Variants in GRB10 observed in about 807,000 individuals in gnomAD.
The protein encoded by GRB10 is growth factor receptor bound protein 10, also known as growth factor receptor-bound protein 10.
A neutral mutation model predicts 80.9 loss-of-function variants in GRB10; 20 were observed. The ratio of observed to expected loss-of-function variants is 0.25; its 90% CI spans 0.17 to 0.36. GRB10 has a LOEUF of 0.36. GRB10 is among the 10% of genes least tolerant of loss of function. The pLI is 1.00. For missense variants in GRB10, 548 were observed against 747.7 expected (o/e 0.73, Z 3.12); for synonymous variants, 291 against 291.5 (o/e 1.00, Z 0.02).
At position 50,616,404 on chromosome 7, in the gene GRB10, G is replaced by A. The variant is rs563800109; in HGVS notation, c.847-57C>T. On this transcript the variant is annotated intron_variant, in intron 10 of 18. Transcript: ENST00000401949. ...ATGCTAATCTAAAATAATTAAAGCA[G>A]ACATGTTATCAGCATAGCTGACATT... 5.7e-5 allele frequency: 86 copies of A among 1,508,544 alleles called. 2 individuals are homozygous for A. The South Asian group carries it at 8.2e-4, about 14-fold the overall frequency. The allele number at this position is 1,508,544 out of a possible 1,614,324, so 93.4% of individuals were successfully genotyped here.
At chr7:50,664,041 C>T (rs1444867438) in intron 7 of GRB10, among the ~76,000 whole-genome samples, 1 of 152,230 alleles carries the variant, frequency 6.6e-6, no homozygotes, top group African/African-American at 2.4e-5. Flanking sequence ...TGGTCCCATG[C>T]TCCTGCTGGC....
At chr7:50,682,635 T>A (rs1483684318) in intron 5 of GRB10, among the ~76,000 whole-genome samples, 1 of 152,266 alleles carries the variant, frequency 6.6e-6, no homozygotes, top group African/African-American at 2.4e-5. Flanking sequence ...CTGTACTTTT[T>A]GGCTTGTCAC....
chr7:50,598,335 G>A (rs1370351663), intron 17 of GRB10, among the ~76,000 whole-genome samples: 2 of 152,208 alleles, frequency 1.3e-5, no homozygotes, highest in Admixed American at 6.5e-5. Flanking sequence ...AAGATGCCCA[G>A]GGAGAAGCTA....
At chr7:50,668,510 T>C (rs909818602) in intron 7 of GRB10, among the ~76,000 whole-genome samples, 1 of 152,212 alleles carries the variant, frequency 6.6e-6, no homozygotes, top group Non-Finnish European at 1.5e-5. Flanking sequence ...TCAGCTCAGC[T>C]GCTTACAGGG....
At chr7:50,689,283 T>C (rs754685529) in intron 5 of GRB10, among the ~76,000 whole-genome samples, 2 of 152,192 alleles carry the variant, frequency 1.3e-5, no homozygotes, top group Non-Finnish European at 2.9e-5. Flanking sequence ...AGCCATTTGG[T>C]ATGCAAGTAG....
chr7:50,792,409 GA>G (rs1320192847), intron 1 of GRB10: 2 of 398,248 alleles, frequency 5.0e-6, no homozygotes, highest in African/African-American at 2.1e-5. Context: ...CCAATCCCAA[GA>G]AAAGACGCAC....
chr7:50,613,066 A>C (rs2049874608), intron 12 of GRB10, among the ~76,000 whole-genome samples: 1 of 152,226 alleles, frequency 6.6e-6, no homozygotes, highest in Non-Finnish European at 1.5e-5. Flanking sequence ...GTTGTGTACC[A>C]CTTAGCTGAA....
intron 7 of GRB10, among the ~76,000 whole-genome samples, chr7:50,669,277 G>A (rs1440118632): frequency 6.6e-6 from 1 of 152,214 alleles, no homozygotes; most frequent in Non-Finnish European, 1.5e-5. Context: ...GAATCATGGT[G>A]CGGGCATGTG....
At chr7:50,752,613 C>A (rs1459299980) in intron 3 of GRB10, among the ~76,000 whole-genome samples, 1 of 152,162 alleles carries the variant, frequency 6.6e-6, no homozygotes, top group Non-Finnish European at 1.5e-5. Context: ...ATGAGCCCTC[C>A]CCTGACTGCA....
chr7:50,695,632 C>A (rs918673801), intron 5 of GRB10, among the ~76,000 whole-genome samples: 8 of 152,126 alleles, frequency 5.3e-5, no homozygotes, highest in African/African-American at 1.9e-4. Context: ...CTTTTGCTGG[C>A]CTCTCTCTTC....
chr7:50,752,738 C>T (rs1375925598), intron 3 of GRB10, among the ~76,000 whole-genome samples: 1 of 152,180 alleles, frequency 6.6e-6, no homozygotes, highest in African/African-American at 2.4e-5. Flanking sequence ...GAGAACAGAG[C>T]TCTTTCCTTG....
intron 4 of GRB10, among the ~76,000 whole-genome samples, chr7:50,732,034 T>C (rs146463336): frequency 4.9e-4 from 75 of 152,270 alleles, no homozygotes; most frequent in South Asian, 2.7e-3. Context: ...TTTAGAAAAG[T>C]ACGCACAGTC....
chr7:50,784,072 G>A (rs909589100), upstream of GRB10, among the ~76,000 whole-genome samples: 1 of 152,212 alleles, frequency 6.6e-6, no homozygotes, highest in Non-Finnish European at 1.5e-5. Flanking sequence ...GGTAACACAA[G>A]GCTTTCTTTT....
rs568029094 is a variant in GRB10, at chr7:50,616,030, C to A, written c.984+180G>T. Among the ~76,000 whole-genome samples, 4 of 152,246 alleles carry A rather than the reference C, an allele frequency of 2.6e-5. No homozygotes were observed. The East Asian group carries it at 7.7e-4, about 29-fold the overall frequency. On this transcript the variant is annotated intron_variant, in intron 11 of 18. Transcript: ENST00000401949. ...TATTATTTATTACCTAGTTTCTGAG[C>A]GAGACCAGGAAACCTGTGACTCCAA...
intron 7 of GRB10, among the ~76,000 whole-genome samples, chr7:50,662,920 C>G (rs529901099): frequency 6.6e-6 from 1 of 152,346 alleles, no homozygotes; most frequent in East Asian, 1.9e-4. Flanking sequence ...CTTACAGACA[C>G]CTGAGCTAGA....
At chr7:50,734,085 T>C (rs1187833099) in intron 3 of GRB10, among the ~76,000 whole-genome samples, 1 of 152,058 alleles carries the variant, frequency 6.6e-6, no homozygotes, top group Non-Finnish European at 1.5e-5. Context: ...TATTTATTTA[T>C]TTTCATACAC....
chr7:50,595,349 G>C lies in GRB10; in HGVS notation c.1638+88C>G, dbSNP rs1054627056. On this transcript the variant is annotated intron_variant, in intron 18 of 18. Transcript: ENST00000401949. Reference sequence around the variant, plus strand: ...CCTTGAAACTGTCTGATACTTACCGGTCTTGTCGGTTTATAACTTGAAAAT... The same window carrying C: ...CCTTGAAACTGTCTGATACTTACCGCTCTTGTCGGTTTATAACTTGAAAAT... The C allele has an allele frequency of 6.3e-6, 5 of 794,132 alleles. No individual in the cohort carries two copies. The African/African-American group carries it at 6.8e-5, about 11-fold the overall frequency. The allele number at this position is 794,132 out of a possible 1,614,324, so 49.2% of individuals were successfully genotyped here. A position where few individuals can be genotyped will look rare whatever the true frequency, so the allele number is the denominator to read the frequency against.
chr7:50,793,048 C>G (rs2079003557), intron 1 of GRB10: 1 of 144,028 alleles, frequency 6.9e-6, no homozygotes, highest in African/African-American at 2.5e-5. Flanking sequence ...CCGGAGCCCC[C>G]GGCCCGGAGG....
At chr7:50,783,513 C>A (rs528700252), upstream of GRB10, among the ~76,000 whole-genome samples, 2 of 147,774 alleles carry the variant, frequency 1.4e-5, no homozygotes, top group Non-Finnish European at 3.1e-5. Flanking sequence ...ACCACACACA[C>A]ACATACACCA....
Sources: allele counts gnomAD v4.1 joint callset (sites outside exome capture counted in the v4.1 genomes callset), GRCh38; gene constraint gnomAD v4.1.1; transcripts MANE v1.5; gene names NCBI Gene and HGNC (gene_info 2026-07-23, HGNC 2026-07-21).